The following KCNH7 variants were observed in gnomAD, a reference collection of about 807,000 sequenced individuals.
The protein encoded by KCNH7 is voltage-gated inwardly rectifying potassium channel KCNH7.
Under a neutral mutation model 120.8 loss-of-function variants are expected in KCNH7, and 49 were observed. That is an observed-to-expected ratio of 0.41 (90% CI 0.32 to 0.51). The LOEUF (loss-of-function observed/expected upper bound fraction) is 0.51. Among genes scored for constraint, KCNH7 ranks in the 20% least tolerant of loss-of-function variants. KCNH7 has a pLI of 0.38. For synonymous variants in KCNH7, 547 were observed against 516.1 expected (o/e 1.06, Z -0.81); for missense variants, 1,097 against 1,446.6 (o/e 0.76, Z 3.92).
At chr2:162,524,114 G>T (rs1691621668) in intron 3 of KCNH7, among the ~76,000 whole-genome samples, 1 of 151,948 alleles carries the variant, frequency 6.6e-6, no homozygotes, top group African/African-American at 2.4e-5. Flanking sequence ...TTGTGAAAAG[G>T]CTTATTGAGG....
At chr2:162,518,988 T>C (rs1691423118) in intron 3 of KCNH7, among the ~76,000 whole-genome samples, 2 of 151,656 alleles carry the variant, frequency 1.3e-5, no homozygotes, top group South Asian at 4.1e-4. Context: ...GTTAGGTATA[T>C]AAACTCACTA....
intron 2 of KCNH7, among the ~76,000 whole-genome samples, chr2:162,764,956 G>A (rs1682727092): frequency 6.6e-6 from 1 of 151,974 alleles, no homozygotes; most frequent in Non-Finnish European, 1.5e-5. Flanking sequence ...GACATATATA[G>A]CCATATAAAC....
intron 8 of KCNH7, among the ~76,000 whole-genome samples, chr2:162,432,270 T>C (rs1179957082): frequency 1.3e-5 from 2 of 152,020 alleles, no homozygotes; most frequent in African/African-American, 4.8e-5. Flanking sequence ...TTCTAGGAGA[T>C]TCAACTTCCA....
intron 2 of KCNH7, among the ~76,000 whole-genome samples, chr2:162,746,436 C>T (rs1466890672): frequency 2.0e-5 from 3 of 152,116 alleles, no homozygotes; most frequent in Admixed American, 6.5e-5. Flanking sequence ...AATTCAGCTA[C>T]AGTTCCTGTG....
chr2:162,801,389 A>G (rs1684343721), intron 2 of KCNH7, among the ~76,000 whole-genome samples: 1 of 151,770 alleles, frequency 6.6e-6, no homozygotes, highest in Non-Finnish European at 1.5e-5. Flanking sequence ...CAAAAGTTGG[A>G]ATAAAAAAAT....
chr2:162,644,333 C>T (rs912358412), intron 2 of KCNH7, among the ~76,000 whole-genome samples: 1 of 151,620 alleles, frequency 6.6e-6, no homozygotes, highest in African/African-American at 2.4e-5. Flanking sequence ...ATAAAGTTGT[C>T]CACGTAAAAT....
chr2:162,440,361 G>T (rs1272430179), intron 7 of KCNH7, among the ~76,000 whole-genome samples: 1 of 151,866 alleles, frequency 6.6e-6, no homozygotes, highest in Non-Finnish European at 1.5e-5. Flanking sequence ...ATATTTGGGT[G>T]CAAGTGGGGA....
chr2:162,435,791 T>C (rs1001056232), intron 7 of KCNH7, among the ~76,000 whole-genome samples, 194 bp from the exon 8 acceptor site: 10 of 152,094 alleles, frequency 6.6e-5, no homozygotes, highest in East Asian at 5.8e-4. Flanking sequence ...TGAAAGTGCA[T>C]GACACATTAA....
chr2:162,739,812 T>C (rs1395412124), intron 2 of KCNH7, among the ~76,000 whole-genome samples: 3 of 152,202 alleles, frequency 2.0e-5, no homozygotes, highest in Admixed American at 6.5e-5. Flanking sequence ...CATTGAAAGA[T>C]ATGATCATTC....
chr2:162,410,050 A>G (rs1687338994), intron 9 of KCNH7, among the ~76,000 whole-genome samples: 1 of 151,946 alleles, frequency 6.6e-6, no homozygotes, highest in Non-Finnish European at 1.5e-5. Context: ...AATGTACCAA[A>G]GTCACTTTTC....
intron 2 of KCNH7, among the ~76,000 whole-genome samples, chr2:162,758,467 C>CAT (rs1448159379): frequency 1.3e-5 from 2 of 151,834 alleles, no homozygotes; most frequent in Non-Finnish European, 1.5e-5. Flanking sequence ...TGTACACACA[C>CAT]ATATATATAC....
chr2:162,439,555 C>T (rs1688356920), intron 7 of KCNH7, among the ~76,000 whole-genome samples: 1 of 152,096 alleles, frequency 6.6e-6, no homozygotes, highest in South Asian at 2.1e-4. Flanking sequence ...AATTTTCCAA[C>T]TCTTTTTTCC....
At chr2:162,817,928 G>T (rs1486535126) in intron 2 of KCNH7, among the ~76,000 whole-genome samples, 1 of 151,940 alleles carries the variant, frequency 6.6e-6, no homozygotes, top group African/African-American at 2.4e-5. Flanking sequence ...TATACAGAGA[G>T]ATATGGACAT....
intron 2 of KCNH7, among the ~76,000 whole-genome samples, chr2:162,584,921 T>A (rs1693981043): frequency 6.7e-6 from 1 of 148,714 alleles, no homozygotes; most frequent in African/African-American, 2.5e-5. Flanking sequence ...TTTTTTTTAG[T>A]CTGTAAAGCA....
intron 2 of KCNH7, among the ~76,000 whole-genome samples, chr2:162,562,785 T>G (rs1205747454): frequency 6.6e-6 from 1 of 152,224 alleles, no homozygotes; most frequent in African/African-American, 2.4e-5. Flanking sequence ...TTGCCCATCT[T>G]GCTATTCCTG....
At chr2:162,618,617 G>C (rs1683231638) in intron 2 of KCNH7, among the ~76,000 whole-genome samples, 1 of 152,050 alleles carries the variant, frequency 6.6e-6, no homozygotes, top group Admixed American at 6.5e-5. Context: ...TGCCGTATTT[G>C]GTTAAAACAT....
intron 6 of KCNH7, among the ~76,000 whole-genome samples, chr2:162,478,217 T>C (rs1325453959): frequency 6.6e-6 from 1 of 152,172 alleles, no homozygotes; most frequent in African/African-American, 2.4e-5. Context: ...AGGCTCCCAA[T>C]GATCTGGGTA....
chr2:162,565,995 A>AAT (rs1175817883), intron 2 of KCNH7, among the ~76,000 whole-genome samples: 2 of 152,084 alleles, frequency 1.3e-5, no homozygotes, highest in Non-Finnish European at 2.9e-5. Flanking sequence ...ATACTTAATA[A>AAT]ATATGAACAT....
intron 10 of KCNH7, 95 bp downstream of exon 10, chr2:162,400,094 G>T: frequency 7.5e-7 from 1 of 1,333,116 alleles, no homozygotes; most frequent in Non-Finnish European, 1.0e-6. Flanking sequence ...CTGTTCTTAT[G>T]AATACATACA....
Sources: gnomAD v4.1 joint callset for allele counts (sites outside exome capture counted in the v4.1 genomes callset) on GRCh38, gnomAD v4.1.1 for gene constraint, MANE v1.5 for transcripts, NCBI Gene and HGNC (gene_info 2026-07-23, HGNC 2026-07-21) for gene names.